Variants in DNAI4 observed in about 807,000 individuals in gnomAD.
DNAI4 encodes the protein WD repeat domain 78.
In DNAI4, 85 loss-of-function variants were observed where a neutral mutation model predicts 105.8. The observed-to-expected ratio is 0.80, with a 90% CI of 0.67 to 0.96. The LOEUF is 0.96. Ranked by LOEUF, DNAI4 falls within the 40% of genes least tolerant of loss-of-function variation. The pLI, the probability that DNAI4 is intolerant of heterozygous loss-of-function variation, is 0.00. For missense variants in DNAI4, 1,014 were observed against 1,005.6 expected (o/e 1.01, Z -0.11); for synonymous variants, 352 against 331.5 (o/e 1.06, Z -0.67).
chr1:66,816,731 A>T (rs1036209547), intron 16 of DNAI4, among the ~76,000 whole-genome samples: 3 of 5,274 alleles, frequency 5.7e-4, no homozygotes, highest in African/African-American at 1.4e-3. Context: ...TTGAAATCAC[A>T]CACACACACA....
chr1:66,847,851 A>G lies in DNAI4; in HGVS notation c.1097-173T>C, dbSNP rs1572643103. 18 of 569,292 alleles carry G rather than the reference A, an allele frequency of 3.2e-5. No individual in the cohort carries two copies. In the East Asian group the frequency reaches 5.8e-4, roughly 18 times the overall value. The allele number at this position is 569,292 out of a possible 1,614,324, so 35.3% of individuals were successfully genotyped here. A position where few individuals can be genotyped will look rare whatever the true frequency, so the allele number is the denominator to read the frequency against. ...TACCAAGCACATGAAAGATGCACAT[A>G]TCTCATTTTGGAATTCTTAACCATC... is the stretch of plus-strand genomic sequence containing the variant. On this transcript the variant is annotated intron_variant, in intron 7 of 16. Transcript: ENST00000371026.
chr1:66,831,743 A>C (rs1645869718), intron 13 of DNAI4, among the ~76,000 whole-genome samples: 1 of 152,202 alleles, frequency 6.6e-6, no homozygotes, highest in East Asian at 1.9e-4. Flanking sequence ...CATCATCTTT[A>C]CTCATCACTG....
intron 6 of DNAI4, among the ~76,000 whole-genome samples, chr1:66,865,974 T>G (rs1569645960): frequency 6.6e-6 from 1 of 152,140 alleles, no homozygotes; most frequent in East Asian, 1.9e-4. Flanking sequence ...GAGCTTCAGC[T>G]TAACTATGGA....
At chr1:66,864,332 A>C (rs181010663) in intron 6 of DNAI4, among the ~76,000 whole-genome samples, 1 of 152,332 alleles carries the variant, frequency 6.6e-6, no homozygotes, top group East Asian at 1.9e-4. Flanking sequence ...CCAATTTTAT[A>C]ATTATATGCT....
chr1:66,879,546 C>T (rs1272472622), intron 4 of DNAI4, among the ~76,000 whole-genome samples: 1 of 152,118 alleles, frequency 6.6e-6, no homozygotes, highest in East Asian at 1.9e-4. Context: ...GGGTAAATAC[C>T]AAGGAACACA....
At chr1:66,854,724 C>T (rs1646465236) in intron 7 of DNAI4, among the ~76,000 whole-genome samples, 1 of 152,064 alleles carries the variant, frequency 6.6e-6, no homozygotes, top group African/African-American at 2.4e-5. Context: ...TGGCTTGAAC[C>T]CGGGAGGAGG....
chr1:66,834,482 AC>A (rs1645939468), intron 11 of DNAI4, among the ~76,000 whole-genome samples: 1 of 151,910 alleles, frequency 6.6e-6, no homozygotes, highest in South Asian at 2.1e-4. Context: ...ATTCTTTCTG[AC>A]TTTTACTTTA....
chr1:66,891,708 C>A (rs1377289508), intron 3 of DNAI4, among the ~76,000 whole-genome samples: 1 of 152,190 alleles, frequency 6.6e-6, no homozygotes, highest in Non-Finnish European at 1.5e-5. Flanking sequence ...AGGTGATCTG[C>A]CCACCTCGGC....
chr1:66,826,716 T>C (rs1161286021), intron 15 of DNAI4, 104 bp downstream of exon 15: 7 of 986,728 alleles, frequency 7.1e-6, no homozygotes, highest in Non-Finnish European at 1.1e-5. Flanking sequence ...CTATTACTTC[T>C]TTTAAAGTAA....
At chr1:66,852,246 T>G (rs1221231707) in intron 7 of DNAI4, among the ~76,000 whole-genome samples, 1 of 151,704 alleles carries the variant, frequency 6.6e-6, no homozygotes, top group East Asian at 1.9e-4. Context: ...TTTAAAAAAC[T>G]CACCCACAAA....
At chr1:66,906,991 CTATCT>C (rs1440065446) in intron 1 of DNAI4, 1 of 152,106 alleles carries the variant, frequency 6.6e-6, no homozygotes, top group Admixed American at 6.6e-5. Flanking sequence ...TCCAGGTCTC[CTATCT>C]TATTTTTTTC....
At chr1:66,875,642 A>G (rs994263820) in intron 4 of DNAI4, among the ~76,000 whole-genome samples, 2 of 152,138 alleles carry the variant, frequency 1.3e-5, no homozygotes, top group Admixed American at 1.3e-4. Context: ...TATATAAGTG[A>G]GAGTTCAATG....
chr1:66,897,050 GA>G (rs34306023), intron 2 of DNAI4, among the ~76,000 whole-genome samples: 105,778 of 152,006 alleles, frequency 0.7, 37,138 homozygotes, highest in East Asian at 0.87. Flanking sequence ...GCAGACTAGA[GA>G]AAGTCTGAAT....
intron 8 of DNAI4, among the ~76,000 whole-genome samples, chr1:66,842,223 A>C (rs778805201): frequency 4.5e-4 from 69 of 152,328 alleles, no homozygotes; most frequent in Non-Finnish European, 8.4e-4. Context: ...CCATTCACCT[A>C]CTGAAGGGCA....
In DNAI4 at chr1:66,874,822, T is replaced by G. The variant is rs1646927161; in HGVS notation, c.759A>C (p.Thr253=). The stretch of plus-strand genomic sequence containing the variant: ...CTTCAGATTCTACAGAGACCATGAC[T>G]GTGGGCAAGTCAAAAAATCTCAGTG... The part of the protein sequence containing the change: ...TETLRFFDLP[T]VMVSVESEEA... The change falls in exon 5 of 17, where the codon ACA becomes ACC. Residue 253 remains threonine (T), a synonymous_variant. Transcript: ENST00000371026. The G allele has an allele frequency of 6.2e-7, 1 of 1,613,810 alleles. No homozygotes were observed.
At chr1:66,826,371 T>C (rs1441249684) in intron 15 of DNAI4, among the ~76,000 whole-genome samples, 1 of 152,114 alleles carries the variant, frequency 6.6e-6, no homozygotes, top group Admixed American at 6.5e-5. Context: ...CAATCTTGGC[T>C]CACTGCAACC....
At chr1:66,861,332 A>G (rs1646621175) in intron 7 of DNAI4, among the ~76,000 whole-genome samples, 1 of 152,206 alleles carries the variant, frequency 6.6e-6, no homozygotes, top group South Asian at 2.1e-4. Context: ...AGTTATTCTA[A>G]AATGAGGACC....
At chr1:66,836,493 A>T (rs948268006) in intron 10 of DNAI4, among the ~76,000 whole-genome samples, 5 of 152,276 alleles carry the variant, frequency 3.3e-5, no homozygotes, top group Admixed American at 1.3e-4. Flanking sequence ...GTCTTCTAGT[A>T]TTTGTTTCAG....
At position 66,871,450 on chromosome 1, in the gene DNAI4, A is replaced by G. The variant is rs780764414; in HGVS notation, c.860T>C (p.Val287Ala). Residue 287 changes from valine to alanine, a missense_variant, in exon 6 of 17, where the codon GTT becomes GCT. Physicochemically the swap from Val to Ala is moderately conservative, Grantham distance 64. Coordinates refer to ENST00000371026, the MANE Select transcript of DNAI4 (RefSeq NM_024763.5). ...ATTGAAAGTCTGCATCATCCTTTCAACATATAGGTCATTGCCTAATCTGTT... is the reference window on the plus strand; with the variant it reads ...ATTGAAAGTCTGCATCATCCTTTCAGCATATAGGTCATTGCCTAATCTGTT... Reference protein sequence around the residue: ...CRNRLGNDLYVERMMQTFNGA... With the variant: ...CRNRLGNDLYAERMMQTFNGA... 6 of 1,612,010 alleles carry G rather than the reference A, an allele frequency of 3.7e-6. No individual in the cohort carries two copies. Among genetic ancestry groups the G allele is most frequent in the Non-Finnish European group, 3.4e-6 (4 of 1,178,884 alleles).
Sources: gnomAD v4.1 joint callset for allele counts (sites outside exome capture counted in the v4.1 genomes callset) on GRCh38, gnomAD v4.1.1 for gene constraint, MANE v1.5 for transcripts, NCBI Gene and HGNC (gene_info 2026-07-23, HGNC 2026-07-21) for gene names.